Variants in FAM163B observed in about 807,000 individuals in gnomAD.
FAM163B encodes family with sequence similarity 163 member B.
In FAM163B, 4 loss-of-function variants were observed where a neutral mutation model predicts 7.6. The observed-to-expected ratio is 0.52, with a 90% CI of 0.26 to 1.20. The LOEUF is 1.20. FAM163B is among the 50% of genes most tolerant of loss of function. The pLI is 0.14. For synonymous variants in FAM163B, 120 were observed against 111.6 expected, an observed-to-expected ratio of 1.07 and a Z score of -0.47; for missense variants, 250 against 243.0, an observed-to-expected ratio of 1.03 and a Z score of -0.19.
intron 1 of FAM163B, among the ~76,000 whole-genome samples, chr9:133,588,680 C>CTGAAAGATCTAGCATGT (rs1831488121): frequency 4.2e-5 from 2 of 47,752 alleles, no homozygotes; most frequent in Admixed American, 2.0e-4. Context: ...ATCTAGCATA[C>CTGAAAGATCTAGCATGT]TGAGAGATCT....
rs1416028689 is a variant in FAM163B at position 133,577,133 on chromosome 9, C to T, written c.*1889G>A. ...TTTCCTCAGGGAGCCAGCGGCTCCC[C>T]CAGCAGGTCCCCACGGTGGAGCCGA... is the stretch of plus-strand genomic sequence containing the variant. On this transcript the variant is annotated 3_prime_UTR_variant, in exon 3 of 3. Transcript: ENST00000673969. 6.6e-6 allele frequency among the ~76,000 whole-genome samples: 1 copy of T among 152,178 alleles called. No individual in the cohort carries two copies. Among genetic ancestry groups the T allele is most frequent in the African/African-American group, 2.4e-5 (1 of 41,444 alleles).
intron 1 of FAM163B, among the ~76,000 whole-genome samples, chr9:133,589,598 T>C (rs1325982471): frequency 6.7e-6 from 1 of 148,204 alleles, no homozygotes; most frequent in Non-Finnish European, 1.5e-5. Flanking sequence ...CCCACTGCAG[T>C]CCTCCGGCCA....
intron 1 of FAM163B, among the ~76,000 whole-genome samples, chr9:133,596,291 G>A (rs559238838): frequency 1.4e-4 from 22 of 152,174 alleles, no homozygotes; most frequent in East Asian, 1.4e-3. Context: ...GGAGCAGCAC[G>A]GTGGCTGCCA....
At chr9:133,592,238 C>T (rs967627721) in intron 1 of FAM163B, among the ~76,000 whole-genome samples, 2 of 152,106 alleles carry the variant, frequency 1.3e-5, no homozygotes, top group African/African-American at 4.8e-5. Flanking sequence ...ACCAAGCACC[C>T]TGGGAGGGCT....
chr9:133,605,868 C>T (rs558444662), intron 1 of FAM163B, among the ~76,000 whole-genome samples: 15 of 152,298 alleles, frequency 9.8e-5, no homozygotes, highest in Admixed American at 2.0e-4. Context: ...CTTCTTACCA[C>T]CCTGGTCCAG....
At chr9:133,579,510 G>A in intron 2 of FAM163B, 81 bp from the exon 3 acceptor site, 1 of 1,474,292 alleles carries the variant, frequency 6.8e-7, no homozygotes, top group East Asian at 2.5e-5. Flanking sequence ...CCCCTGACTG[G>A]GGAGGGGAGA....
intron 1 of FAM163B, among the ~76,000 whole-genome samples, chr9:133,586,560 T>C (rs1410083939): frequency 1.3e-5 from 2 of 152,170 alleles, no homozygotes; most frequent in East Asian, 3.8e-4. Flanking sequence ...AGACCCCAGC[T>C]GGAGAGCCCC....
chr9:133,579,950 G>T (rs367985953), intron 2 of FAM163B, among the ~76,000 whole-genome samples, 181 bp downstream of exon 2: 9 of 152,182 alleles, frequency 5.9e-5, no homozygotes, highest in African/African-American at 2.2e-4. Flanking sequence ...GGAGTCAGGC[G>T]CATCTTACTG....
In FAM163B at chr9:133,579,420, AGCAGTAGTACTGCGG is replaced by A; in HGVS notation, c.94-6_102del. On this transcript the variant is annotated splice_acceptor_variant and splice_polypyrimidine_tract_variant and coding_sequence_variant and intron_variant, in exon 3 of 3. Coordinates refer to ENST00000673969, the MANE Select transcript of FAM163B (RefSeq NM_001080515.3). LOFTEE classifies it high-confidence loss of function. ...TCCTCCTCCGACTCGTCCTTCTTGC[AGCAGTAGTACTGCGG>A]GCAGAGGGACGGTGACCATGCGGCC... 6.2e-7 allele frequency: 1 copy of A among 1,601,124 alleles called. No individual in the cohort carries two copies. Among genetic ancestry groups the A allele is most frequent in the Non-Finnish European group, 8.5e-7 (1 of 1,174,742 alleles).
intron 1 of FAM163B, among the ~76,000 whole-genome samples, chr9:133,593,020 GAGTT>G (rs1831577965): frequency 6.6e-6 from 1 of 152,244 alleles, no homozygotes; most frequent in South Asian, 2.1e-4. Context: ...GAGGCCCTCT[GAGTT>G]AGGAACACGG....
At chr9:133,592,602 C>T (rs937691417) in intron 1 of FAM163B, among the ~76,000 whole-genome samples, 1 of 152,246 alleles carries the variant, frequency 6.6e-6, no homozygotes, top group Non-Finnish European at 1.5e-5. Flanking sequence ...GGCCTGCCCT[C>T]TGCCAACTCG....
At chr9:133,590,712 AG>A (rs1831540027) in intron 1 of FAM163B, among the ~76,000 whole-genome samples, 1 of 152,196 alleles carries the variant, frequency 6.6e-6, no homozygotes, top group African/African-American at 2.4e-5. Context: ...CCCGAGAGCC[AG>A]TAGACACATG....
chr9:133,600,081 C>G lies in FAM163B; in HGVS notation c.-24+8996G>C, dbSNP rs111207652. 5.0e-3 allele frequency among the ~76,000 whole-genome samples: 593 copies of G among 118,586 alleles called. 3 individuals are homozygous for G. The highest frequency in any genetic ancestry group is 7.1e-3 in the Admixed American group (90 of 12,606). The allele number at this position is 118,586 out of a possible 152,430, so 77.8% of individuals were successfully genotyped here. A position where few individuals can be genotyped will look rare whatever the true frequency, so the allele number is the denominator to read the frequency against. On this transcript the variant is annotated intron_variant, in intron 1 of 2. Transcript: ENST00000673969. The surrounding 1 kb of genome is among the most constrained non-coding windows in gnomAD (Gnocchi z 4.9). ...AGTTTGTGTGTGCATGTGTGTGTGTCTGTGTGCATGTGTGCCTCTGAATGT... is the reference window on the plus strand; with the variant it reads ...AGTTTGTGTGTGCATGTGTGTGTGTGTGTGTGCATGTGTGCCTCTGAATGT...
At chr9:133,595,371 C>G (rs545525856) in intron 1 of FAM163B, among the ~76,000 whole-genome samples, 1 of 152,330 alleles carries the variant, frequency 6.6e-6, no homozygotes, top group Non-Finnish European at 1.5e-5. Flanking sequence ...TCCTCCAACT[C>G]TTGACCTCAA....
At chr9:133,604,652 G>A (rs747274157) in intron 1 of FAM163B, among the ~76,000 whole-genome samples, 16 of 152,102 alleles carry the variant, frequency 1.1e-4, no homozygotes, top group African/African-American at 2.7e-4. Context: ...CTTTTCTGCC[G>A]TGGTGGGCGG....
intron 1 of FAM163B, chr9:133,586,003 C>T (rs1361220110): frequency 3.9e-5 from 6 of 152,410 alleles, no homozygotes; most frequent in African/African-American, 1.2e-4. Flanking sequence ...CCGGCGTCCT[C>T]GATCGGAGGA....
Position 133,601,915 on chromosome 9 carries a change from G to C in FAM163B, c.-24+7162C>G, listed in dbSNP as rs1022551304. 2.6e-5 allele frequency among the ~76,000 whole-genome samples: 4 copies of C among 152,218 alleles called. No homozygotes were observed. Among genetic ancestry groups the C allele is most frequent in the South Asian group, 2.1e-4 (1 of 4,828 alleles). On this transcript the variant is annotated intron_variant, in intron 1 of 2. Coordinates refer to ENST00000673969, the MANE Select transcript of FAM163B (RefSeq NM_001080515.3). The surrounding 1 kb of genome is among the most constrained non-coding windows in gnomAD (Gnocchi z 4.1). ...AGGGAGGAAGGGACTCTGAGGGTTC[G>C]AGAAACAGGCAGTAGCCAGCACACA... is the stretch of plus-strand genomic sequence containing the variant.
chr9:133,598,876 C>T (rs910798421), intron 1 of FAM163B, among the ~76,000 whole-genome samples: 1 of 152,122 alleles, frequency 6.6e-6, no homozygotes, highest in Non-Finnish European at 1.5e-5. Flanking sequence ...TCCCCCAGGG[C>T]TCCTTTCAGT....
At chr9:133,583,868 G>A (rs1161479737) in intron 1 of FAM163B, among the ~76,000 whole-genome samples, 5 of 152,208 alleles carry the variant, frequency 3.3e-5, no homozygotes, top group African/African-American at 4.8e-5. Context: ...CCGAGACGGC[G>A]CCAGGTCCCA....
Sources: allele counts gnomAD v4.1 joint callset (sites outside exome capture counted in the v4.1 genomes callset), GRCh38; gene constraint gnomAD v4.1.1; non-coding constraint Gnocchi (gnomAD v3.1); transcripts MANE v1.5; gene names NCBI Gene and HGNC (gene_info 2026-07-23, HGNC 2026-07-21).